PUDP: variants seen among roughly 807,000 people sequenced by gnomAD.
PUDP encodes pseudouridine-5'-phosphatase.
In PUDP, 8 loss-of-function variants were observed where a neutral mutation model predicts 9.4. The observed-to-expected ratio is 0.85, with a 90% CI of 0.50 to 1.53. The LOEUF is 1.53. Ranked by LOEUF, PUDP falls within the 40% of genes most tolerant of loss-of-function variation. The pLI is 0.00. For synonymous variants in PUDP, 99 were observed against 80.7 expected, an observed-to-expected ratio of 1.23 and a Z score of -1.22; for missense variants, 188 against 189.7, an observed-to-expected ratio of 0.99 and a Z score of 0.05.
intron 3 of PUDP, among the ~76,000 whole-genome samples, chrX:6,973,082 T>C (rs112058922): frequency 8.0e-5 from 9 of 112,223 alleles, no homozygotes; most frequent in African/African-American, 2.9e-4. Flanking sequence ...ATTGTGTCTA[T>C]TTGATTCTTC....
chrX:7,110,206 G>A (rs1932003508), intron 1 of PUDP, among the ~76,000 whole-genome samples: 1 of 112,507 alleles, frequency 8.9e-6, no homozygotes, highest in African/African-American at 3.2e-5. Context: ...CAACTGTTAT[G>A]GAAGCCCTGT....
intron 3 of PUDP, among the ~76,000 whole-genome samples, chrX:6,901,734 T>A: frequency 8.9e-6 from 1 of 112,990 alleles, no homozygotes; most frequent in Non-Finnish European, 1.9e-5. Context: ...GGAAACGGTA[T>A]TGCCACAAAG....
intron 3 of PUDP, among the ~76,000 whole-genome samples, chrX:6,750,988 G>T (rs1489922553): frequency 2.7e-5 from 3 of 109,723 alleles, no homozygotes; most frequent in East Asian, 5.8e-4. Flanking sequence ...AAATACAAAA[G>T]GAAATTAGCC....
intron 3 of PUDP, among the ~76,000 whole-genome samples, chrX:6,977,105 G>A (rs894850850): frequency 1.8e-5 from 2 of 112,126 alleles, no homozygotes; most frequent in African/African-American, 3.2e-5. Flanking sequence ...ATTTGAGCTT[G>A]CATTTAAATA....
chrX:6,723,672 AAAAACAAAACAAAAC>A (rs760206977), upstream of PUDP, among the ~76,000 whole-genome samples: 16 of 99,826 alleles, frequency 1.6e-4, no homozygotes, highest in South Asian at 1.3e-3. Flanking sequence ...ACCCCACCAA[AAAAACAAAACAAAAC>A]AAAACAAAAC....
chrX:6,721,888 A>T (rs1285590102), upstream of PUDP, among the ~76,000 whole-genome samples: 3 of 112,017 alleles, frequency 2.7e-5, no homozygotes, highest in African/African-American at 9.7e-5. Context: ...AATACTAATA[A>T]AGATGGGGAA....
At chrX:6,741,850 C>T (rs201178279) in intron 3 of PUDP, among the ~76,000 whole-genome samples, 5 of 96,039 alleles carry the variant, frequency 5.2e-5, no homozygotes, top group African/African-American at 2.1e-4. Flanking sequence ...TTCTTTCTTT[C>T]TTTTTCTTTC....
intron 3 of PUDP, among the ~76,000 whole-genome samples, chrX:7,053,421 C>T (rs925458735): frequency 9.0e-6 from 1 of 111,676 alleles, no homozygotes; most frequent in African/African-American, 3.3e-5. Flanking sequence ...AGAATCCCCA[C>T]GTGTTGTGGG....
chrX:7,145,818 T>A (rs993677821), intron 1 of PUDP, among the ~76,000 whole-genome samples: 1 of 111,722 alleles, frequency 9.0e-6, no homozygotes, highest in Admixed American at 9.6e-5. Context: ...TGGGGCTACA[T>A]AGACAAACAG....
rs1378072774 is a variant in PUDP at position 6,719,102 on chromosome X, C to A, written n.128+2315G>T. Among the ~76,000 whole-genome samples the A allele has an allele frequency of 1.9e-4, 21 of 111,376 alleles. No homozygotes were observed. In the Admixed American group the frequency reaches 2.0e-3, roughly 11 times the overall value. The stretch of plus-strand genomic sequence containing the variant: ...CTCTTGCTTGCTGAGGCTGCCATGA[C>A]AAACTACCACAGACGGGGTGACTTA... On this transcript the variant is annotated intron_variant and non_coding_transcript_variant, in intron 1 of 2. Transcript: ENST00000438499.
At chrX:6,907,669 A>G (rs1334695563) in intron 3 of PUDP, among the ~76,000 whole-genome samples, 2 of 111,520 alleles carry the variant, frequency 1.8e-5, no homozygotes, top group Non-Finnish European at 3.8e-5. Context: ...ACCTAAAGCA[A>G]GGTCTACTCT....
At chrX:7,027,885 C>T (rs866013064) in intron 1 of PUDP, among the ~76,000 whole-genome samples, 2 of 92,888 alleles carry the variant, frequency 2.2e-5, no homozygotes, top group African/African-American at 3.9e-5. Flanking sequence ...ATATTATTTT[C>T]TATATATAGA....
intron 3 of PUDP, among the ~76,000 whole-genome samples, chrX:6,792,570 A>C (rs1925766597): frequency 9.0e-6 from 1 of 111,287 alleles, no homozygotes; most frequent in Non-Finnish European, 1.9e-5. Context: ...CTGAAGACAC[A>C]GGGAGGACAA....
At chrX:6,894,283 G>A (rs756407476) in intron 3 of PUDP, among the ~76,000 whole-genome samples, 15 of 111,576 alleles carry the variant, frequency 1.3e-4, no homozygotes, top group East Asian at 5.7e-4. Context: ...AAAAAATTTA[G>A]AGCCTTAGGA....
chrX:7,051,576 C>T (rs921106223), intron 3 of PUDP, among the ~76,000 whole-genome samples: 2 of 111,547 alleles, frequency 1.8e-5, no homozygotes, highest in Non-Finnish European at 3.8e-5. Context: ...AAAAGAAAAA[C>T]CAATACATAA....
chrX:7,057,843 GA>G (rs1347088131), intron 3 of PUDP: 1 of 1,082,350 alleles, frequency 9.2e-7, no homozygotes, highest in African/African-American at 1.8e-5. Flanking sequence ...GTTTGGGCAG[GA>G]AGGGAACACA....
At position 6,819,312 on chromosome X, in the gene PUDP, A is replaced by C. The variant is rs751898975; in HGVS notation, c.*248-112846T>G. Among the ~76,000 whole-genome samples, 4 of 112,134 alleles carry C rather than the reference A, an allele frequency of 3.6e-5. No homozygotes were observed. The East Asian group carries it at 1.1e-3, about 32-fold the overall frequency. ...ACCCTGAGCCTTAGTAATATTTTAC[A>C]CATGCACACAAACAGAAGCCCACAT... On this transcript the variant is annotated intron_variant and NMD_transcript_variant, in intron 3 of 3. Coordinates refer to the PUDP transcript ENST00000655425.
intron 3 of PUDP, among the ~76,000 whole-genome samples, chrX:6,921,401 A>C (rs1928021953): frequency 9.1e-6 from 1 of 110,486 alleles, no homozygotes; most frequent in Non-Finnish European, 1.9e-5. Flanking sequence ...AAAAAAAAGA[A>C]AAAAAATACC....
intron 3 of PUDP, among the ~76,000 whole-genome samples, chrX:6,783,439 C>T (rs898908945): frequency 1.8e-5 from 2 of 111,038 alleles, no homozygotes; most frequent in Admixed American, 9.6e-5. Context: ...GTGGACTCGC[C>T]CCGAATTCTT....
Sources: allele counts gnomAD v4.1 joint callset (sites outside exome capture counted in the v4.1 genomes callset), GRCh38; gene constraint gnomAD v4.1.1; transcripts MANE v1.5; gene names NCBI Gene and HGNC (gene_info 2026-07-23, HGNC 2026-07-21).